The following RGS9 variants were observed in gnomAD, a reference collection of about 807,000 sequenced individuals.
The protein encoded by RGS9 is regulator of G-protein signalling 9.
In RGS9, 78 loss-of-function variants were observed where a neutral mutation model predicts 102.0. The ratio of observed to expected loss-of-function variants is 0.76; its 90% CI spans 0.64 to 0.92. The LOEUF (loss-of-function observed/expected upper bound fraction) is 0.92. Ranked by LOEUF, RGS9 falls within the 40% of genes least tolerant of loss-of-function variation. The probability of loss-of-function intolerance (pLI) is 0.00; values close to 1 mark genes in which losing one functional copy is unlikely to be tolerated. For missense variants in RGS9, 833 were observed against 866.1 expected, an observed-to-expected ratio of 0.96 and a Z score of 0.48; for synonymous variants, 353 against 318.6, an observed-to-expected ratio of 1.11 and a Z score of -1.15.
intron 17 of RGS9, among the ~76,000 whole-genome samples, chr17:65,221,784 C>T (rs1037302047): frequency 6.6e-6 from 1 of 152,224 alleles, no homozygotes; most frequent in Non-Finnish European, 1.5e-5. Context: ...GATGGAGTCT[C>T]TTCACTGTGT....
chr17:65,189,412 A>C, intron 10 of RGS9, 97 bp downstream of exon 10: 1 of 905,800 alleles, frequency 1.1e-6, no homozygotes, highest in Non-Finnish European at 1.9e-6. Context: ...ATGAAATGAA[A>C]ACCACGTGCA....
intron 3 of RGS9, among the ~76,000 whole-genome samples, chr17:65,159,342 G>T (rs547114944): frequency 1.7e-3 from 263 of 152,300 alleles, no homozygotes; most frequent in Non-Finnish European, 3.0e-3. Context: ...ACACGGACAC[G>T]AGTGAAAGGC....
intron 1 of RGS9, among the ~76,000 whole-genome samples, chr17:65,146,879 C>T (rs770212286): frequency 1.7e-4 from 24 of 143,398 alleles, no homozygotes; most frequent in Non-Finnish European, 3.4e-4. Context: ...AGTAAGACTC[C>T]GTCTCAAAAA....
chr17:65,148,499 T>C (rs759643170), intron 1 of RGS9, among the ~76,000 whole-genome samples: 4 of 152,214 alleles, frequency 2.6e-5, no homozygotes, highest in Non-Finnish European at 5.9e-5. Context: ...CATACTGTTT[T>C]CCACAGCAGA....
chr17:65,162,906 G>C (rs993010366), intron 6 of RGS9, 107 bp from the exon 7 acceptor site: 27 of 705,440 alleles, frequency 3.8e-5, no homozygotes, highest in Non-Finnish European at 6.0e-5. Context: ...TGGGTCCATG[G>C]TTGCCATGAG....
chr17:65,201,754 G>A (rs993486413), intron 13 of RGS9, among the ~76,000 whole-genome samples: 5 of 152,160 alleles, frequency 3.3e-5, no homozygotes, highest in African/African-American at 1.2e-4. Flanking sequence ...CACGTATTGA[G>A]CAATTACTAA....
intron 17 of RGS9, among the ~76,000 whole-genome samples, chr17:65,217,570 A>T (rs1178406548): frequency 6.6e-6 from 1 of 151,228 alleles, no homozygotes; most frequent in Non-Finnish European, 1.5e-5. Context: ...AAGTAAGGAG[A>T]GTGAGCTGTG....
In RGS9 at chr17:65,190,287, A is replaced by G. The variant is rs1484512940; in HGVS notation, c.746+51A>G. On this transcript the variant is annotated intron_variant, in intron 11 of 18. Coordinates refer to ENST00000262406, the MANE Select transcript of RGS9 (RefSeq NM_003835.4). ...CTAAAGTCTGATGAACAGGTAGACA[A>G]GAGGAGAACTTCTGCAAACTCGACA... The G allele has an allele frequency of 3.5e-6, 5 of 1,435,988 alleles. No homozygotes were observed. In the Admixed American group the frequency reaches 8.4e-5, roughly 24 times the overall value. 89.0% of individuals were successfully genotyped at this position (1,435,988 alleles called of 1,614,324 possible).
chr17:65,204,301 G>T lies in RGS9; in HGVS notation c.1203G>T (p.Lys401Asn). 1 of 1,613,836 alleles carries T rather than the reference G, an allele frequency of 6.2e-7. No homozygotes were observed. Among genetic ancestry groups the T allele is most frequent in the East Asian group, 2.2e-5 (1 of 44,880 alleles). ...AQTHIYMLMKKDSYARYLKSP... is the reference protein window; with the variant it reads ...AQTHIYMLMKNDSYARYLKSP... Reference sequence around the variant, plus strand: ...CCCACATTTACATGCTCATGAAGAAGGTAGGTGGGTCCGTGCTGTGGATAC... The same window carrying T: ...CCCACATTTACATGCTCATGAAGAATGTAGGTGGGTCCGTGCTGTGGATAC... Residue 401 changes from lysine to asparagine, a missense_variant and splice_region_variant, in exon 15 of 19, where the codon AAG becomes AAT. Transcript: ENST00000262406.
At chr17:65,140,974 T>C (rs1049889701) in intron 1 of RGS9, among the ~76,000 whole-genome samples, 2 of 152,116 alleles carry the variant, frequency 1.3e-5, no homozygotes, top group Non-Finnish European at 2.9e-5. Flanking sequence ...AGGATCCTCC[T>C]GTGCCCCTGC....
At chr17:65,217,706 G>A (rs973002764) in intron 17 of RGS9, among the ~76,000 whole-genome samples, 7 of 152,126 alleles carry the variant, frequency 4.6e-5, no homozygotes, top group African/African-American at 1.4e-4. Context: ...TGCCAAATGA[G>A]GGGATGATCC....
At chr17:65,223,706 AC>A (rs1456234086) in intron 17 of RGS9, among the ~76,000 whole-genome samples, 1 of 143,396 alleles carries the variant, frequency 7.0e-6, no homozygotes, top group Non-Finnish European at 1.5e-5. Flanking sequence ...GGAGCCCCTC[AC>A]CTCCTTCTCG....
chr17:65,158,267 A>G (rs370937297), intron 2 of RGS9, 28 bp from the exon 3 acceptor site: 5 of 1,613,292 alleles, frequency 3.1e-6, no homozygotes, highest in South Asian at 1.1e-5. Context: ...GGCTATGACA[A>G]TAACCGCAAA....
At chr17:65,158,462 C>G (rs893072250) in intron 3 of RGS9, 117 bp downstream of exon 3, 1 of 973,016 alleles carries the variant, frequency 1.0e-6, no homozygotes, top group Non-Finnish European at 1.7e-6. Flanking sequence ...ATTGGACAGA[C>G]ATGACCTTCG....
In RGS9 at chr17:65,138,530, C is replaced by T. The variant is rs376734015; in HGVS notation, c.57+933C>T. On this transcript the variant is annotated intron_variant, in intron 1 of 18. Transcript: ENST00000262406. Reference sequence around the variant, plus strand: ...AAAACCTGGACAGTCCTGGGGACCCCGAGACGGTCGCATTTGGTCCACCTG... The same window carrying T: ...AAAACCTGGACAGTCCTGGGGACCCTGAGACGGTCGCATTTGGTCCACCTG... 1.4e-4 allele frequency among the ~76,000 whole-genome samples: 22 copies of T among 152,062 alleles called. 1 individual carries two copies. Among genetic ancestry groups the T allele is most frequent in the African/African-American group, 5.1e-4 (21 of 41,380 alleles).
intron 16 of RGS9, 42 bp downstream of exon 16, chr17:65,208,049 G>C (rs1276778366): frequency 7.3e-7 from 1 of 1,378,628 alleles, no homozygotes; most frequent in African/African-American, 1.4e-5. Flanking sequence ...CTGCTGCTTA[G>C]TTTACAGAGA....
intron 11 of RGS9, among the ~76,000 whole-genome samples, chr17:65,192,606 A>G (rs11654390): frequency 0.25 from 37,389 of 151,102 alleles, 6,133 homozygotes; most frequent in African/African-American, 0.47. Flanking sequence ...AGAGCAAGAC[A>G]ATGTCTCAAA....
intron 9 of RGS9, among the ~76,000 whole-genome samples, chr17:65,184,763 C>G (rs897683249): frequency 6.6e-6 from 1 of 150,586 alleles, no homozygotes; most frequent in Non-Finnish European, 1.5e-5. Context: ...CTTTCCTTTC[C>G]CTTTCATTCT....
chr17:65,208,849 A>G (rs1357735430), intron 16 of RGS9, among the ~76,000 whole-genome samples: 1 of 152,134 alleles, frequency 6.6e-6, no homozygotes, highest in Non-Finnish European at 1.5e-5. Context: ...GAGAAAAAAC[A>G]ACAACAACAA....
Sources: allele counts gnomAD v4.1 joint callset (sites outside exome capture counted in the v4.1 genomes callset), GRCh38; gene constraint gnomAD v4.1.1; transcripts MANE v1.5; gene names NCBI Gene and HGNC (gene_info 2026-07-23, HGNC 2026-07-21).